The following SYT13 variants were observed in gnomAD, a reference collection of about 807,000 sequenced individuals.
The protein encoded by SYT13 is synaptotagmin 13.
Under a neutral mutation model 38.6 loss-of-function variants are expected in SYT13, and 21 were observed. The observed-to-expected ratio is 0.54, with a 90% confidence interval of 0.39 to 0.78. SYT13 has a LOEUF of 0.78. Ranked by LOEUF, SYT13 falls within the 30% of genes least tolerant of loss-of-function variation. The pLI is 0.00. For synonymous variants in SYT13, 241 were observed against 237.6 expected, an observed-to-expected ratio of 1.01 and a Z score of -0.13; for missense variants, 495 against 548.7, an observed-to-expected ratio of 0.90 and a Z score of 0.98.
At chr11:45,263,225 T>C (rs946424115) in intron 1 of SYT13, among the ~76,000 whole-genome samples, 1 of 152,220 alleles carries the variant, frequency 6.6e-6, no homozygotes, top group African/African-American at 2.4e-5. Context: ...GGTCCTATGC[T>C]AAGTGTTCAG....
chr11:45,280,281 C>G (rs1855056623), intron 1 of SYT13, among the ~76,000 whole-genome samples: 1 of 152,088 alleles, frequency 6.6e-6, no homozygotes, highest in Non-Finnish European at 1.5e-5. Context: ...TCCCAATCCC[C>G]AGGGGGAATC....
At chr11:45,255,985 G>T in intron 1 of SYT13, 94 bp from the exon 2 acceptor site, 1 of 1,266,400 alleles carries the variant, frequency 7.9e-7, no homozygotes, top group Non-Finnish European at 1.1e-6. Flanking sequence ...ACCTGTTGTA[G>T]GATGCAGAGG....
chr11:45,285,670 C>G (rs1458501697), intron 1 of SYT13, among the ~76,000 whole-genome samples: 6 of 152,072 alleles, frequency 3.9e-5, no homozygotes, highest in African/African-American at 1.4e-4. Flanking sequence ...CTAACCCTGG[C>G]GATTCCCCTC....
At chr11:45,266,671 G>A (rs969307935) in intron 1 of SYT13, among the ~76,000 whole-genome samples, 2 of 152,172 alleles carry the variant, frequency 1.3e-5, no homozygotes, top group African/African-American at 2.4e-5. Context: ...GAACAGCCTC[G>A]CTATCCTTTG....
chr11:45,261,901 G>T (rs1224365797), intron 1 of SYT13, among the ~76,000 whole-genome samples: 6 of 143,984 alleles, frequency 4.2e-5, no homozygotes, highest in South Asian at 2.2e-4. Flanking sequence ...AGGTGACAGA[G>T]CAAGACCTTG....
rs1047639484 is a variant in SYT13, at chr11:45,269,402, C to T, written c.184-13511G>A. 9.6e-5 allele frequency: 113 copies of T among 1,176,124 alleles called. 2 individuals carry two copies. The East Asian group carries it at 1.9e-3, about 20-fold the overall frequency. The allele number at this position is 1,176,124 out of a possible 1,614,324, so 72.9% of individuals were successfully genotyped here. A position where few individuals can be genotyped will look rare whatever the true frequency, so the allele number is the denominator to read the frequency against. On this transcript the variant is annotated intron_variant, in intron 1 of 5. Coordinates refer to ENST00000020926, the MANE Select transcript of SYT13 (RefSeq NM_020826.3). ...ACTGGAAACCCCAAGATGGCAAGAT[C>T]CTACCTAGAGATTTCCTTCTTGTAG...
At chr11:45,264,582 GC>G (rs1423315674) in intron 1 of SYT13, among the ~76,000 whole-genome samples, 1 of 152,132 alleles carries the variant, frequency 6.6e-6, no homozygotes, top group Admixed American at 6.5e-5. Flanking sequence ...GATGAGCACA[GC>G]CCCAGAGGAC....
intron 1 of SYT13, chr11:45,269,479 C>A: frequency 3.1e-6 from 4 of 1,286,610 alleles, no homozygotes; most frequent in Non-Finnish European, 4.0e-6. Flanking sequence ...TTGGCCACCA[C>A]CTCTGTAAAC....
intron 1 of SYT13, among the ~76,000 whole-genome samples, chr11:45,275,203 T>C (rs1854996241): frequency 6.6e-6 from 1 of 152,182 alleles, no homozygotes. Flanking sequence ...CTCACTTCTC[T>C]TTGCCATGTG....
rs1252203984 is a variant in SYT13 at position 45,286,237 on chromosome 11, C to T, written c.-30G>A. On this transcript the variant is annotated 5_prime_UTR_variant, in exon 1 of 6. Transcript: ENST00000020926. ...CCCGCTCCCGGCGAGGGGCTGGGTC[C>T]CGCAGCCGCTCACCTTCCCCGGGCC... 2 of 1,508,816 alleles carry T rather than the reference C, an allele frequency of 1.3e-6. No homozygotes were observed. Among genetic ancestry groups the T allele is most frequent in the South Asian group, 1.3e-5 (1 of 79,432 alleles). The allele number at this position is 1,508,816 out of a possible 1,614,324, so 93.5% of individuals were successfully genotyped here. A position where few individuals can be genotyped will look rare whatever the true frequency, so the allele number is the denominator to read the frequency against.
At chr11:45,244,979 GCTCCCAA>G (rs1234492092) in intron 5 of SYT13, among the ~76,000 whole-genome samples, 1 of 152,184 alleles carries the variant, frequency 6.6e-6, no homozygotes, top group African/African-American at 2.4e-5. Flanking sequence ...AATGAAGCCA[GCTCCCAA>G]CTCTTCATCC....
chr11:45,261,431 A>C (rs984513460), intron 1 of SYT13, among the ~76,000 whole-genome samples: 2 of 151,966 alleles, frequency 1.3e-5, no homozygotes, highest in Admixed American at 1.3e-4. Context: ...CTCTACTAAA[A>C]ACACACACAC....
chr11:45,270,758 C>T (rs1029651745), intron 1 of SYT13, among the ~76,000 whole-genome samples: 1 of 152,178 alleles, frequency 6.6e-6, no homozygotes, highest in Non-Finnish European at 1.5e-5. Flanking sequence ...TAATCTAAGA[C>T]ATCCATCCAC....
At chr11:45,245,537 G>A (rs1402792779) in intron 5 of SYT13, among the ~76,000 whole-genome samples, 1 of 152,200 alleles carries the variant, frequency 6.6e-6, no homozygotes, top group South Asian at 2.1e-4. Context: ...TCTTTTGCTC[G>A]AAATTCAGAA....
At chr11:45,256,076 A>G (rs868355911) in intron 1 of SYT13, among the ~76,000 whole-genome samples, 185 bp from the exon 2 acceptor site, 5 of 151,964 alleles carry the variant, frequency 3.3e-5, no homozygotes, top group African/African-American at 9.7e-5. Flanking sequence ...CAAATCCACA[A>G]TCCACTGAGA....
In SYT13 at chr11:45,252,079, C is replaced by T. The variant is rs1272795662; in HGVS notation, c.846+342G>A. Among the ~76,000 whole-genome samples the T allele has an allele frequency of 6.6e-6, 1 of 152,240 alleles. No homozygotes were observed. Among genetic ancestry groups the T allele is most frequent in the Non-Finnish European group, 1.5e-5 (1 of 68,038 alleles). The stretch of plus-strand genomic sequence containing the variant: ...GTAGAGTGTCCTGCAGTGTCTGCCA[C>T]ATCGTAGGAGCACACAGAGTATAAC... On this transcript the variant is annotated intron_variant, in intron 4 of 5. Transcript: ENST00000020926. The surrounding 1 kb of genome is among the most constrained non-coding windows in gnomAD (Gnocchi z 4.3).
chr11:45,281,653 T>G, intron 1 of SYT13, among the ~76,000 whole-genome samples: 2 of 133,640 alleles, frequency 1.5e-5, no homozygotes. Context: ...GGCGACAGAG[T>G]GAGACTCTGC....
chr11:45,275,476 C>T (rs181531411), intron 1 of SYT13, among the ~76,000 whole-genome samples: 3 of 152,304 alleles, frequency 2.0e-5, no homozygotes, highest in African/African-American at 7.2e-5. Context: ...TTTCAGAAAG[C>T]AGGCACTGGT....
rs539823420 is a variant in SYT13, at chr11:45,255,902, A to G, written c.184-11T>C. The G allele has an allele frequency of 1.4e-4, 233 of 1,613,672 alleles. 5 individuals are homozygous for G. The South Asian group carries it at 2.0e-3, about 14-fold the overall frequency. ...CTTTTTAACATTGAACTGCAAACAC[A>G]AATTACTCTGATTAGTCCACAAAGG... On this transcript the variant is annotated splice_polypyrimidine_tract_variant and intron_variant, in intron 1 of 5. Transcript: ENST00000020926.
Sources: allele counts gnomAD v4.1 joint callset (sites outside exome capture counted in the v4.1 genomes callset), GRCh38; gene constraint gnomAD v4.1.1; non-coding constraint Gnocchi (gnomAD v3.1); transcripts MANE v1.5; gene names NCBI Gene and HGNC (gene_info 2026-07-23, HGNC 2026-07-21).